The following TNR variants were observed in gnomAD, a reference collection of about 807,000 sequenced individuals.
TNR encodes the protein tenascin-R.
A neutral mutation model predicts 150.4 loss-of-function variants in TNR; 45 were observed. The observed-to-expected ratio is 0.30, with a 90% CI of 0.24 to 0.38. The LOEUF (loss-of-function observed/expected upper bound fraction) is 0.38, where lower values mean the gene tolerates loss of function less well. Among genes scored for constraint, TNR ranks in the 10% least tolerant of loss-of-function variants. The pLI is 1.00. For synonymous variants in TNR, 687 were observed against 678.4 expected, an observed-to-expected ratio of 1.01 and a Z score of -0.20; for missense variants, 1,544 against 1,759.1, an observed-to-expected ratio of 0.88 and a Z score of 2.19.
At chr1:175,410,873 T>C (rs555681970) in intron 2 of TNR, among the ~76,000 whole-genome samples, 1 of 152,296 alleles carries the variant, frequency 6.6e-6, no homozygotes, top group South Asian at 2.1e-4. Context: ...TCTTTTGGTG[T>C]TTGAAGCCCA....
At chr1:175,677,600 C>T (rs1310904534) in intron 1 of TNR, among the ~76,000 whole-genome samples, 1 of 152,172 alleles carries the variant, frequency 6.6e-6, no homozygotes, top group East Asian at 1.9e-4. Context: ...TCCGTAACAA[C>T]TCTTTCCCAG....
chr1:175,646,323 C>T (rs1664808025), intron 1 of TNR, among the ~76,000 whole-genome samples: 2 of 152,206 alleles, frequency 1.3e-5, no homozygotes, highest in Admixed American at 6.5e-5. Flanking sequence ...AAGCTAACCA[C>T]ATAAATAGTG....
intron 1 of TNR, among the ~76,000 whole-genome samples, chr1:175,546,129 C>T (rs544034231): frequency 1.2e-4 from 19 of 152,124 alleles, no homozygotes; most frequent in Non-Finnish European, 2.4e-4. Context: ...AATTAGATTA[C>T]AAGGGACGGC....
chr1:175,379,818 T>A (rs1272303354), intron 8 of TNR, 81 bp from the exon 9 acceptor site: 9 of 1,482,962 alleles, frequency 6.1e-6, no homozygotes, highest in Non-Finnish European at 8.3e-6. Context: ...CTGAAAAGAT[T>A]GGTGGTGACA....
chr1:175,653,464 A>C (rs1334227534), intron 1 of TNR, among the ~76,000 whole-genome samples: 1 of 152,158 alleles, frequency 6.6e-6, no homozygotes, highest in East Asian at 1.9e-4. Flanking sequence ...CAAAAACAAA[A>C]ACAGCAGGTG....
At chr1:175,426,332 C>T (rs939861583) in intron 2 of TNR, among the ~76,000 whole-genome samples, 6 of 152,110 alleles carry the variant, frequency 3.9e-5, no homozygotes, top group Admixed American at 3.3e-4. Flanking sequence ...TGGGGTGCTG[C>T]GTTTGCTCCC....
chr1:175,594,119 A>G (rs902020290), intron 1 of TNR, among the ~76,000 whole-genome samples: 4 of 152,176 alleles, frequency 2.6e-5, no homozygotes, highest in Admixed American at 2.6e-4. Context: ...AGCCCCATGG[A>G]ACACTTTCTA....
intron 1 of TNR, among the ~76,000 whole-genome samples, chr1:175,718,564 G>T (rs553176249): frequency 3.3e-5 from 5 of 152,302 alleles, no homozygotes; most frequent in African/African-American, 1.2e-4. Context: ...TAGTAGGGTG[G>T]GTCCACCTGG....
chr1:175,509,183 C>T (rs1659069609), intron 2 of TNR, among the ~76,000 whole-genome samples: 1 of 152,170 alleles, frequency 6.6e-6, no homozygotes, highest in East Asian at 1.9e-4. Flanking sequence ...TCTGGACCAG[C>T]CTAGGAAGTA....
chr1:175,450,212 A>G (rs1656239842), intron 2 of TNR, among the ~76,000 whole-genome samples: 1 of 152,226 alleles, frequency 6.6e-6, no homozygotes, highest in East Asian at 1.9e-4. Flanking sequence ...AAAACTTCCA[A>G]TCTTGTCATT....
chr1:175,426,606 G>A (rs1654977296), intron 2 of TNR, among the ~76,000 whole-genome samples: 1 of 151,804 alleles, frequency 6.6e-6, no homozygotes, highest in Non-Finnish European at 1.5e-5. Context: ...GGACACTCTG[G>A]CTCAAGGAAG....
Position 175,437,989 on chromosome 1 carries a change from G to A in TNR, c.-63-31212C>T, listed in dbSNP as rs187757236. On this transcript the variant is annotated intron_variant, in intron 2 of 22. Coordinates refer to ENST00000367674, the MANE Select transcript of TNR (RefSeq NM_003285.3). ...TACCATTCCTTCTGAAACTATTCCA[G>A]TCAATAGAAAAAGAGGGAATCCGCC... Among the ~76,000 whole-genome samples, 716 of 152,182 alleles carry A rather than the reference G, an allele frequency of 4.7e-3. 1 individual carries two copies. Among genetic ancestry groups the A allele is most frequent in the Non-Finnish European group, 8.1e-3 (549 of 67,970 alleles).
chr1:175,680,842 G>A (rs1666012953), intron 1 of TNR, among the ~76,000 whole-genome samples: 1 of 152,198 alleles, frequency 6.6e-6, no homozygotes, highest in South Asian at 2.1e-4. Flanking sequence ...GTATAAAGAA[G>A]TCACTTTATG....
At chr1:175,343,865 A>C (rs1291219483) in intron 18 of TNR, among the ~76,000 whole-genome samples, 1 of 152,242 alleles carries the variant, frequency 6.6e-6, no homozygotes, top group Middle Eastern at 3.2e-3. Context: ...TCCTGCTGTA[A>C]CATTCACAAT....
At chr1:175,384,867 G>T (rs1045707516) in intron 8 of TNR, among the ~76,000 whole-genome samples, 8 of 152,180 alleles carry the variant, frequency 5.3e-5, no homozygotes, top group African/African-American at 1.9e-4. Flanking sequence ...GGACATTTTG[G>T]TGTCCATCTG....
At chr1:175,609,684 C>T (rs930132964) in intron 1 of TNR, among the ~76,000 whole-genome samples, 21 of 152,280 alleles carry the variant, frequency 1.4e-4, no homozygotes, top group African/African-American at 4.6e-4. Context: ...TGCTGAGATG[C>T]ATGTGAGACA....
chr1:175,350,801 TC>T (rs1557879054), intron 18 of TNR, among the ~76,000 whole-genome samples: 1 of 152,258 alleles, frequency 6.6e-6, no homozygotes, highest in Non-Finnish European at 1.5e-5. Context: ...CAGGTAGGCA[TC>T]TTGCTTACAA....
At chr1:175,606,640 C>A (rs914336627) in intron 1 of TNR, among the ~76,000 whole-genome samples, 1 of 152,082 alleles carries the variant, frequency 6.6e-6, no homozygotes, top group African/African-American at 2.4e-5. Context: ...GGCTGCAGAC[C>A]CTTGTCCAGA....
chr1:175,357,513 C>A (rs955388103), intron 15 of TNR, among the ~76,000 whole-genome samples: 4 of 151,952 alleles, frequency 2.6e-5, no homozygotes, highest in Admixed American at 6.6e-5. Context: ...TTTTTAATGT[C>A]CCCCTTTGCA....
Sources: allele counts gnomAD v4.1 joint callset (sites outside exome capture counted in the v4.1 genomes callset), GRCh38; gene constraint gnomAD v4.1.1; transcripts MANE v1.5; gene names NCBI Gene and HGNC (gene_info 2026-07-23, HGNC 2026-07-21).